PPP4R1: variants seen among roughly 807,000 people sequenced by gnomAD.
PPP4R1 encodes protein phosphatase 4 regulatory subunit 1, also known as serine/threonine-protein phosphatase 4 regulatory subunit 1.
PPP4R1 carries 42 observed loss-of-function variants against 111.2 expected under a neutral mutation model. That is an observed-to-expected ratio of 0.38 (90% CI 0.29 to 0.49). The LOEUF (loss-of-function observed/expected upper bound fraction) is 0.49, where lower values mean the gene tolerates loss of function less well. PPP4R1 is among the 20% of genes least tolerant of loss of function. PPP4R1 has a pLI of 0.97. For synonymous variants in PPP4R1, 409 were observed against 405.5 expected, an observed-to-expected ratio of 1.01 and a Z score of -0.10; for missense variants, 1,012 against 1,161.6, an observed-to-expected ratio of 0.87 and a Z score of 1.87.
intron 10 of PPP4R1, among the ~76,000 whole-genome samples, chr18:9,576,534 GATATACTGGCTA>G (rs1266138235): frequency 2.0e-5 from 3 of 151,976 alleles, no homozygotes; most frequent in Non-Finnish European, 4.4e-5. Context: ...ACTTAAAACT[GATATACTGGCTA>G]ATATACTGGC....
At chr18:9,594,084 C>T (rs2067254672) in intron 3 of PPP4R1, 3 of 440,536 alleles carry the variant, frequency 6.8e-6, no homozygotes, top group Non-Finnish European at 8.4e-6. Context: ...TGCACCACCA[C>T]ACCTGGCTAA....
chr18:9,588,976 A>T (rs2067166597), intron 4 of PPP4R1, 123 bp from the exon 5 acceptor site: 2 of 1,181,834 alleles, frequency 1.7e-6, no homozygotes, highest in African/African-American at 3.1e-5. Flanking sequence ...GACTTGAGAC[A>T]ACATCCTTTA....
rs3816280 is a variant in PPP4R1, at chr18:9,588,857, T to A, written c.296-4A>T. 1 of 1,611,570 alleles carries A rather than the reference T, an allele frequency of 6.2e-7. No homozygotes were observed. Among genetic ancestry groups the A allele is most frequent in the Non-Finnish European group, 8.5e-7 (1 of 1,179,264 alleles). ...AGCTCCGCTCTCACAGTTGGTTCTA[T>A]TGAAATAACGGCAATGTGAGCAAAC... is the stretch of plus-strand genomic sequence containing the variant. On this transcript the variant is annotated splice_region_variant and splice_polypyrimidine_tract_variant and intron_variant, in intron 4 of 19. Transcript: ENST00000400556.
chr18:9,613,339 T>C (rs1334920412), intron 2 of PPP4R1, among the ~76,000 whole-genome samples: 2 of 152,234 alleles, frequency 1.3e-5, no homozygotes, highest in African/African-American at 4.8e-5. Context: ...ATTTGTCACT[T>C]CTTTCAATAC....
intron 13 of PPP4R1, among the ~76,000 whole-genome samples, chr18:9,561,753 T>C (rs573934760): frequency 1.3e-5 from 2 of 152,258 alleles, no homozygotes; most frequent in South Asian, 4.1e-4. Flanking sequence ...ATAAGGTGTG[T>C]GATCGTGGTC....
chr18:9,607,085 G>A (rs1273399981), intron 2 of PPP4R1, among the ~76,000 whole-genome samples: 5 of 152,192 alleles, frequency 3.3e-5, no homozygotes, highest in Admixed American at 3.3e-4. Context: ...CAGGCTGGGT[G>A]CAGTGGCTCA....
chr18:9,566,648 GACACACACACACACACACACACAC>G (rs56772611), intron 11 of PPP4R1, among the ~76,000 whole-genome samples: 19 of 144,230 alleles, frequency 1.3e-4, no homozygotes, highest in Non-Finnish European at 2.4e-4. Context: ...GAGGCGCTGT[GACACACACACACACACACACACAC>G]ACACACACAC....
In PPP4R1 at chr18:9,593,818, CT is replaced by C; in HGVS notation, c.244del (p.Arg82GlufsTer21). ...TCTTTCCAAAACAGCAATACAATCT[CT>C]TTCATCATCGCAGACTTCCCTCAAG... ...DTLREVCDDE[R>X]DCIAVLERIS... On this transcript the variant is annotated frameshift_variant, in exon 4 of 20. Transcript: ENST00000400556. LOFTEE classifies it high-confidence loss of function. 6.2e-7 allele frequency: 1 copy of C among 1,613,892 alleles called. No homozygotes were observed. The highest frequency in any genetic ancestry group is 8.5e-7 in the Non-Finnish European group (1 of 1,179,936).
intron 15 of PPP4R1, among the ~76,000 whole-genome samples, chr18:9,556,129 C>A (rs1261132911): frequency 6.7e-6 from 1 of 149,658 alleles, no homozygotes; most frequent in Non-Finnish European, 1.5e-5. Context: ...CCACTGCACT[C>A]CAGCCTTGTG....
rs1477202960 is a variant in PPP4R1 at position 9,570,410 on chromosome 18, G to A, written c.1320C>T (p.Thr440=). 1.2e-6 allele frequency: 2 copies of A among 1,613,962 alleles called. No homozygotes were observed. The highest frequency in any genetic ancestry group is 1.3e-5 in the African/African-American group (1 of 74,904). Residue 440 remains threonine, a synonymous_variant, in exon 11 of 20, where the codon ACC becomes ACT. Coordinates refer to ENST00000400556, the MANE Select transcript of PPP4R1 (RefSeq NM_001042388.3). ...YKSMLRPEVG[T]TSQDSALLDQ... Reference sequence around the variant, plus strand: ...CTAAGAGAGCTGAATCTTGTGAAGTGGTGCCAACCTCTGGTCGTAACATAG... The same window carrying A: ...CTAAGAGAGCTGAATCTTGTGAAGTAGTGCCAACCTCTGGTCGTAACATAG...
At position 9,570,665 on chromosome 18, in the gene PPP4R1, G is replaced by A; in HGVS notation, c.1065C>T (p.Ala355=). 6.4e-7 allele frequency: 1 copy of A among 1,560,942 alleles called. No homozygotes were observed. The highest frequency in any genetic ancestry group is 1.2e-5 in the South Asian group (1 of 84,468). The stretch of plus-strand genomic sequence containing the variant: ...CTGGCCTGACTTGTACATCCTCTGG[G>A]GCTTCTTGATCTCTGGTCCTTTTAT... ...ENKNRTRDQE[A]PEDVQVRPED... Residue 355 remains alanine, a synonymous_variant, in exon 11 of 20, where the codon GCC becomes GCT. Coordinates refer to ENST00000400556, the MANE Select transcript of PPP4R1 (RefSeq NM_001042388.3).
In PPP4R1 at chr18:9,562,036, C is replaced by G. The variant is rs754680110; in HGVS notation, c.1786G>C (p.Asp596His). 3 of 1,613,326 alleles carry G rather than the reference C, an allele frequency of 1.9e-6. No individual in the cohort carries two copies. The highest frequency in any genetic ancestry group is 2.5e-6 in the Non-Finnish European group (3 of 1,179,398). ...STLHYIHSDS[D>H]LSNNSSFSPD... ...CTAAAACTGCTATTGTTGCTCAAGT[C>G]TGAATCGCTGTGAATATAGTGAAGA... Residue 596 changes from aspartate (D) to histidine (H), a missense_variant, in exon 13 of 20, where the codon GAC (aspartate) becomes CAC (histidine). Asp to His is a moderately conservative substitution (Grantham distance 81). Around this residue, in one of 2 missense-constraint regions of PPP4R1, gnomAD observed 707 missense variants for 742.1 expected, o/e 0.95. Coordinates refer to ENST00000400556, the MANE Select transcript of PPP4R1 (RefSeq NM_001042388.3).
upstream of PPP4R1, among the ~76,000 whole-genome samples, chr18:9,616,519 T>A (rs1282819025): frequency 1.3e-5 from 2 of 152,334 alleles, no homozygotes; most frequent in East Asian, 3.9e-4. Flanking sequence ...AGCAATCCTC[T>A]GGCCTTGGTC....
At chr18:9,564,840 T>G (rs2066740696) in intron 11 of PPP4R1, among the ~76,000 whole-genome samples, 1 of 151,064 alleles carries the variant, frequency 6.6e-6, no homozygotes, top group Non-Finnish European at 1.5e-5. Context: ...TTTTTTTCTT[T>G]AAAGAGGTGA....
At chr18:9,560,754 G>A (rs1384342183) in intron 13 of PPP4R1, among the ~76,000 whole-genome samples, 5 of 151,440 alleles carry the variant, frequency 3.3e-5, no homozygotes, top group African/African-American at 1.2e-4. Flanking sequence ...GCTACTTGGG[G>A]GGCTGAGGCA....
At chr18:9,597,386 G>A (rs1286887576) in intron 2 of PPP4R1, among the ~76,000 whole-genome samples, 1 of 152,144 alleles carries the variant, frequency 6.6e-6, no homozygotes. Flanking sequence ...ATTGGCAGAG[G>A]GAGAGTATCA....
chr18:9,585,291 C>T (rs1192497532), intron 6 of PPP4R1, among the ~76,000 whole-genome samples: 2 of 152,178 alleles, frequency 1.3e-5, no homozygotes, highest in African/African-American at 2.4e-5. Flanking sequence ...CAGTCCTCGC[C>T]TTGCAAAGCA....
chr18:9,559,519 T>G lies in PPP4R1; in HGVS notation c.1928A>C (p.Lys643Thr), dbSNP rs2145036704. The change falls in exon 14 of 20, where the codon AAG (lysine) becomes ACG (threonine). Residue 643 changes from lysine (K) to threonine (T), a missense_variant. Physicochemically the swap from Lys to Thr is moderately conservative, Grantham distance 78 (BLOSUM62 -1). Transcript: ENST00000400556. The stretch of plus-strand genomic sequence containing the variant: ...ACCAGGGAGGCTATATGCACAGTGC[T>G]TAGCAATTTCAGTGTCAACCGTCTG... ...RAQTVDTEIA[K>T]HCAYSLPGVA... 1.2e-6 allele frequency: 2 copies of G among 1,613,788 alleles called. No homozygotes were observed. The highest frequency in any genetic ancestry group is 1.7e-6 in the Non-Finnish European group (2 of 1,179,762).
At chr18:9,590,864 G>A (rs1000018787) in intron 4 of PPP4R1, among the ~76,000 whole-genome samples, 9 of 152,154 alleles carry the variant, frequency 5.9e-5, no homozygotes, top group Non-Finnish European at 1.2e-4. Context: ...AGACACAAAC[G>A]GCATGACCCA....
Sources: allele counts gnomAD v4.1 joint callset (sites outside exome capture counted in the v4.1 genomes callset), GRCh38; gene constraint gnomAD v4.1.1; regional missense constraint gnomAD v4.1.1; transcripts MANE v1.5; gene names NCBI Gene and HGNC (gene_info 2026-07-23, HGNC 2026-07-21).